The following GRK1 variants were observed in gnomAD, a reference collection of about 807,000 sequenced individuals.
GRK1 encodes the protein rhodopsin kinase GRK1.
A neutral mutation model predicts 41.7 loss-of-function variants in GRK1; 28 were observed. The ratio of observed to expected loss-of-function variants is 0.67; its 90% CI spans 0.50 to 0.92. The LOEUF is 0.92. GRK1 is among the 40% of genes least tolerant of loss of function. The pLI, the probability that GRK1 is intolerant of heterozygous loss-of-function variation, is 0.00. For synonymous variants in GRK1, 327 were observed against 286.7 expected (o/e 1.14, Z -1.42); for missense variants, 703 against 671.2 (o/e 1.05, Z -0.52).
chr13:113,653,123 G>A, the GRK1 span: 54 of 1,571,222 alleles, frequency 3.4e-5, no homozygotes, highest in Non-Finnish European at 4.4e-5. Context: ...CCTGACGCCT[G>A]GCTGCCCCCC....
chr13:113,732,783 C>G, intron 5 of GRK1, 101 bp from the exon 6 acceptor site: 1 of 1,299,252 alleles, frequency 7.7e-7, no homozygotes, highest in Non-Finnish European at 1.1e-6. Flanking sequence ...GTCCCCCACC[C>G]GCGTGGGTGA....
intron 6 of GRK1, among the ~76,000 whole-genome samples, chr13:113,734,031 T>C (rs1320239108): frequency 1.1e-4 from 15 of 131,980 alleles, no homozygotes; most frequent in African/African-American, 3.9e-4. Flanking sequence ...TGCGTGCGTG[T>C]GCGTATGTGT....
At position 113,735,032 on chromosome 13, in the gene GRK1, G is replaced by A. The variant is rs1296048522; in HGVS notation, c.1397-36G>A. 1.1e-5 allele frequency: 16 copies of A among 1,453,942 alleles called. No individual in the cohort carries two copies. The Admixed American group carries it at 1.2e-4, about 11-fold the overall frequency. 90.1% of individuals were successfully genotyped at this position (1,453,942 alleles called of 1,614,324 possible). On this transcript the variant is annotated intron_variant, in intron 6 of 6. Transcript: ENST00000335678. ...CTAAACGGCGCTTCCTTCCCACCAC[G>A]AGGAGCCTGGCGTCTGTGTTTTCTG...
chr13:113,654,944 T>C, the GRK1 span: 10 of 1,613,676 alleles, frequency 6.2e-6, no homozygotes, highest in Non-Finnish European at 8.5e-6. Flanking sequence ...TGATCCACAC[T>C]GCGACACAAG....
At chr13:113,732,761 A>G in intron 5 of GRK1, 123 bp from the exon 6 acceptor site, 1 of 970,298 alleles carries the variant, frequency 1.0e-6, no homozygotes, top group South Asian at 1.6e-5. Context: ...GGAGGGGCAC[A>G]AGGCCTCATG....
the GRK1 span, chr13:113,658,167 C>T: frequency 4.8e-5 from 76 of 1,599,364 alleles, 2 homozygotes; most frequent in South Asian, 6.3e-4. Flanking sequence ...GAGATCCTCC[C>T]GTCTGCTCCC....
chr13:113,654,852 G>A, the GRK1 span: 111 of 1,614,106 alleles, frequency 6.9e-5, no homozygotes, highest in Admixed American at 4.5e-4. Flanking sequence ...CGGTGTGTAC[G>A]GGTCCACTGT....
intron 6 of GRK1, among the ~76,000 whole-genome samples, chr13:113,733,488 CGCGT>C (rs753052136): frequency 1.1e-4 from 16 of 143,404 alleles, no homozygotes; most frequent in Non-Finnish European, 2.0e-4. Flanking sequence ...ACTATGTGCG[CGCGT>C]GTGTGTATGT....
At chr13:113,657,272 A>G in the GRK1 span, among the ~76,000 whole-genome samples, 98,409 of 152,096 alleles carry the variant, frequency 0.65, 32,371 homozygotes, top group African/African-American at 0.78. Context: ...CGGGGACGGC[A>G]CCAGGCCAGC....
chr13:113,657,170 C>T, the GRK1 span, among the ~76,000 whole-genome samples: 13 of 152,106 alleles, frequency 8.5e-5, no homozygotes, highest in East Asian at 3.9e-4. Flanking sequence ...ACAGGTGGGG[C>T]GGGCCTGGGG....
the GRK1 span, among the ~76,000 whole-genome samples, chr13:113,652,247 C>T: frequency 6.6e-6 from 1 of 152,376 alleles, no homozygotes; most frequent in South Asian, 2.1e-4. Context: ...TGCTGGGACC[C>T]CCGTCACAGC....
At chr13:113,654,668 G>T in the GRK1 span, 1 of 1,288,050 alleles carries the variant, frequency 7.8e-7, no homozygotes, top group Non-Finnish European at 1.0e-6. Context: ...CACCTGCTGG[G>T]GTGTGTGGCT....
chr13:113,654,880 G>A, the GRK1 span: 4 of 1,614,220 alleles, frequency 2.5e-6, no homozygotes, highest in Non-Finnish European at 3.4e-6. Flanking sequence ...AGCACATAGA[G>A]GCACAGGGCG....
chr13:113,669,562 A>T, intron 1 of GRK1, 125 bp from the exon 2 acceptor site: 1 of 1,152,666 alleles, frequency 8.7e-7, no homozygotes, highest in Non-Finnish European at 1.3e-6. Context: ...AGGCGCATTT[A>T]AAGCATGTTT....
chr13:113,733,881 A>C (rs570740550), intron 6 of GRK1, among the ~76,000 whole-genome samples: 1 of 88,330 alleles, frequency 1.1e-5, no homozygotes, highest in Non-Finnish European at 2.3e-5. Context: ...GTGTGTGCAT[A>C]CGTGTGTGCG....
chr13:113,653,685 G>C, the GRK1 span, among the ~76,000 whole-genome samples: 1 of 152,208 alleles, frequency 6.6e-6, no homozygotes, highest in African/African-American at 2.4e-5. Flanking sequence ...GGGGTGGCTG[G>C]CTCTCTCCAC....
rs760049938 is a variant in GRK1, at chr13:113,731,266, G to C, written c.1117G>C (p.Val373Leu). 1 of 1,537,090 alleles carries C rather than the reference G, an allele frequency of 6.5e-7. No homozygotes were observed. Among genetic ancestry groups the C allele is most frequent in the Non-Finnish European group, 8.7e-7 (1 of 1,146,832 alleles). The change falls in exon 5 of 7, where the codon GTG becomes CTG. Residue 373 changes from valine (V) to leucine (L), a missense_variant. Coordinates refer to ENST00000335678, the MANE Select transcript of GRK1 (RefSeq NM_002929.3). This position sits in a 1 kb window ranked among gnomAD's most constrained non-coding sequence, Gnocchi z 5.6. ...GCAGGGCGAGGAGTACGACTTCTCC[G>C]TGGACTACTTTGCCCTGGGGGTCAC... is the stretch of plus-strand genomic sequence containing the variant. ...LLQGEEYDFS[V>L]DYFALGVTLY...
chr13:113,666,232 A>C, upstream of GRK1, among the ~76,000 whole-genome samples: 1 of 136,198 alleles, frequency 7.3e-6, no homozygotes, highest in Admixed American at 7.2e-5. Flanking sequence ...TGTGTCCAAG[A>C]TGTACCCCAG....
chr13:113,734,426 G>A (rs999670687), intron 6 of GRK1: 2 of 152,470 alleles, frequency 1.3e-5, no homozygotes, highest in African/African-American at 2.4e-5. Flanking sequence ...GTCAAAGTGA[G>A]GCTGAGGAGG....
Sources: gnomAD v4.1 joint callset for allele counts (sites outside exome capture counted in the v4.1 genomes callset) on GRCh38, gnomAD v4.1.1 for gene constraint, Gnocchi (gnomAD v3.1) non-coding constraint, MANE v1.5 for transcripts, NCBI Gene and HGNC (gene_info 2026-07-23, HGNC 2026-07-21) for gene names.